ATM: variants seen among roughly 807,000 people sequenced by gnomAD.
The protein encoded by ATM is ATM serine/threonine kinase.
ATM carries 308 observed loss-of-function variants against 387.0 expected under a neutral mutation model. That is an observed-to-expected ratio of 0.80 (90% CI 0.73 to 0.87). The LOEUF (loss-of-function observed/expected upper bound fraction) is 0.87, where lower values mean the gene tolerates loss of function less well. Among genes scored for constraint, ATM ranks in the 40% least tolerant of loss-of-function variants. The pLI is 0.00. For synonymous variants in ATM, 1,156 were observed against 1,187.3 expected, an observed-to-expected ratio of 0.97 and a Z score of 0.54; for missense variants, 3,312 against 3,560.9, an observed-to-expected ratio of 0.93 and a Z score of 1.78.
chr11:108,295,327 G>A, intron 32 of ATM: 1 of 374,224 alleles, frequency 2.7e-6, no homozygotes, highest in Non-Finnish European at 4.9e-6. Context: ...TTTTTTAAGA[G>A]ACAGAGTTTT....
chr11:108,293,620 T>G lies in ATM; in HGVS notation c.4776+143T>G, dbSNP rs1054862388. The G allele has an allele frequency of 7.9e-6, 6 of 757,872 alleles. No individual in the cohort carries two copies. The African/African-American group carries it at 1.1e-4, about 13-fold the overall frequency. The allele number at this position is 757,872 out of a possible 1,614,324, so 46.9% of individuals were successfully genotyped here. On this transcript the variant is annotated intron_variant, in intron 31 of 62. Transcript: ENST00000675843. ...ATATACGTAGGCCAGGCACATTGGCTCATGCCTATAATCTCAGCACTTTGG... is the reference window on the plus strand; with the variant it reads ...ATATACGTAGGCCAGGCACATTGGCGCATGCCTATAATCTCAGCACTTTGG...
chr11:108,236,653 C>T (rs990986065), intron 5 of ATM: 5 of 151,972 alleles, frequency 3.3e-5, no homozygotes, highest in East Asian at 1.9e-4. Flanking sequence ...GCAGTTAGCA[C>T]GCTACTTCTA....
intron 45 of ATM, 61 bp from the exon 46 acceptor site, chr11:108,325,249 G>GTTTTTTTTTTTTTTTTTTTTT: frequency 1.8e-6 from 1 of 565,840 alleles, no homozygotes; most frequent in East Asian, 3.4e-5. Context: ...AACTTACATA[G>GTTTTTTTTTTTTTTTTTTTTT]TTTTTTTTTT....
intron 29 of ATM, among the ~76,000 whole-genome samples, chr11:108,292,041 A>G (rs4988006): frequency 2.1e-4 from 32 of 152,322 alleles, no homozygotes; most frequent in Admixed American, 1.8e-3. Flanking sequence ...CTGCCTTACA[A>G]AGTTTCAAGC....
At chr11:108,279,967 TCA>T in intron 23 of ATM, among the ~76,000 whole-genome samples, 1 of 152,220 alleles carries the variant, frequency 6.6e-6, no homozygotes, top group East Asian at 1.9e-4. Context: ...GAGAAGAATC[TCA>T]CACAAAATCA....
chr11:108,300,075 A>G (rs1156807338), intron 34 of ATM, among the ~76,000 whole-genome samples, 190 bp downstream of exon 34: 1 of 152,218 alleles, frequency 6.6e-6, no homozygotes, highest in Non-Finnish European at 1.5e-5. Flanking sequence ...CACTTGATAT[A>G]ATGGTGAACA....
At chr11:108,320,555 C>G (rs1418190172) in intron 44 of ATM, among the ~76,000 whole-genome samples, 1 of 152,162 alleles carries the variant, frequency 6.6e-6, no homozygotes, top group Non-Finnish European at 1.5e-5. Context: ...CTATGATATG[C>G]TAGCCACTGT....
rs2136244744 is a variant in ATM at position 108,321,446 on chromosome 11, T to A, written c.6572+26T>A. The A allele has an allele frequency of 6.2e-7, 1 of 1,613,834 alleles. No homozygotes were observed. Among genetic ancestry groups the A allele is most frequent in the Non-Finnish European group, 8.5e-7 (1 of 1,179,840 alleles). On this transcript the variant is annotated intron_variant, in intron 45 of 62. Coordinates refer to ENST00000675843, the MANE Select transcript of ATM (RefSeq NM_000051.4). ...GTATGTAATTCGTATGACTTTGTTA[T>A]CCTAAAGTGCAGCTTTTCTGTTACC...
At chr11:108,297,145 A>G in intron 32 of ATM, 142 bp from the exon 33 acceptor site, 1 of 646,926 alleles carries the variant, frequency 1.5e-6, no homozygotes, top group East Asian at 2.8e-5. Flanking sequence ...TTCCCTACAT[A>G]TTTTTTGAGC....
At chr11:108,249,242 T>A in intron 9 of ATM, 140 bp downstream of exon 9, 1 of 977,656 alleles carries the variant, frequency 1.0e-6, no homozygotes, top group Non-Finnish European at 1.6e-6. Context: ...AGCAAAGGGA[T>A]ATGTGATTGC....
At chr11:108,240,695 G>C (rs2079513105) in intron 5 of ATM, among the ~76,000 whole-genome samples, 1 of 93,134 alleles carries the variant, frequency 1.1e-5, no homozygotes, top group South Asian at 3.9e-4. Context: ...CACCTGTCTA[G>C]GGCACTTAAC....
rs2135365529 is a variant in ATM, at chr11:108,253,815, G to T, written c.1900G>T (p.Glu634Ter). The change falls in exon 13 of 63, where the codon GAA (glutamate) becomes TAA (stop). Residue 634 changes from glutamate (E) to a stop codon, truncating the protein, a stop_gained and splice_region_variant. Transcript: ENST00000675843. LOFTEE classifies it high-confidence loss of function. Reference sequence around the variant, plus strand: ...ATTAAAGATCTTACTTTCTTGAAGTGAACACCACCAAAAAGATAAAGAAGA... The same window carrying T: ...ATTAAAGATCTTACTTTCTTGAAGTTAACACCACCAAAAAGATAAAGAAGA... ...MNFFQSVPECEHHQKDKEELS... is the reference protein window; with the variant it reads ...MNFFQSVPEC 2 of 1,612,352 alleles carry T rather than the reference G, an allele frequency of 1.2e-6. No individual in the cohort carries two copies. Among genetic ancestry groups the T allele is most frequent in the South Asian group, 2.2e-5 (2 of 90,900 alleles).
intron 24 of ATM, 128 bp downstream of exon 24, chr11:108,281,296 G>C: frequency 1.1e-6 from 1 of 945,460 alleles, no homozygotes. Flanking sequence ...TTTAGGTTGG[G>C]AATATTGGAA....
At chr11:108,305,933 CTTG>C (rs2135954834) in intron 37 of ATM, among the ~76,000 whole-genome samples, 1 of 152,268 alleles carries the variant, frequency 6.6e-6, no homozygotes, top group South Asian at 2.1e-4. Context: ...TGCAAATTCA[CTTG>C]TTGTACTTAA....
Position 108,334,963 on chromosome 11 carries a change from T to G in ATM, c.8011-6T>G, listed in dbSNP as rs762092284. ...CTATTATCAATCATGTTTATACTTTTATTAGGTGGACCACACAGGAGAATA... is the reference window on the plus strand; with the variant it reads ...CTATTATCAATCATGTTTATACTTTGATTAGGTGGACCACACAGGAGAATA... On this transcript the variant is annotated splice_region_variant and splice_polypyrimidine_tract_variant and intron_variant, in intron 54 of 62. Transcript: ENST00000675843. 1.9e-5 allele frequency: 30 copies of G among 1,611,538 alleles called. No homozygotes were observed. The highest frequency in any genetic ancestry group is 2.5e-5 in the Non-Finnish European group (29 of 1,177,690).
At chr11:108,297,492 A>G in intron 33 of ATM, 110 bp downstream of exon 33, 1 of 947,458 alleles carries the variant, frequency 1.1e-6, no homozygotes, top group African/African-American at 1.6e-5. Flanking sequence ...TGTAGTATTC[A>G]GTATAGTAAC....
intron 38 of ATM, among the ~76,000 whole-genome samples, chr11:108,309,328 AT>A (rs1334858321): frequency 1.3e-5 from 2 of 152,206 alleles, no homozygotes; most frequent in African/African-American, 4.8e-5. Context: ...CTTAACATTC[AT>A]CGGAAAATTA....
At chr11:108,295,084 T>A in intron 32 of ATM, 25 bp downstream of exon 32, 1 of 1,613,146 alleles carries the variant, frequency 6.2e-7, no homozygotes, top group Non-Finnish European at 8.5e-7. Flanking sequence ...TGACATGGGC[T>A]ATTTCTACCT....
intron 36 of ATM, 125 bp downstream of exon 36, chr11:108,303,154 A>C (rs2083515784): frequency 2.0e-6 from 2 of 1,013,290 alleles, no homozygotes; most frequent in Admixed American, 4.9e-5. Context: ...AATTTATTAA[A>C]GTGAGCATCC....
Sources: gnomAD v4.1 joint callset for allele counts (sites outside exome capture counted in the v4.1 genomes callset) on GRCh38, gnomAD v4.1.1 for gene constraint, MANE v1.5 for transcripts, NCBI Gene and HGNC (gene_info 2026-07-23, HGNC 2026-07-21) for gene names.